The following KIF5C variants were observed in gnomAD, a reference collection of about 807,000 sequenced individuals.
KIF5C encodes the protein kinesin family member 5C.
KIF5C carries 18 observed loss-of-function variants against 125.2 expected under a neutral mutation model. The ratio of observed to expected loss-of-function variants is 0.14; its 90% CI spans 0.10 to 0.21. KIF5C has a LOEUF of 0.21. Among genes scored for constraint, KIF5C ranks in the 10% least tolerant of loss-of-function variants. The probability of loss-of-function intolerance (pLI) is 1.00; values close to 1 mark genes in which losing one functional copy is unlikely to be tolerated. For synonymous variants in KIF5C, 405 were observed against 434.0 expected, an observed-to-expected ratio of 0.93 and a Z score of 0.83; for missense variants, 780 against 1,183.8, an observed-to-expected ratio of 0.66 and a Z score of 5.01.
chr2:148,977,409 C>T (rs1681106336), intron 12 of KIF5C, among the ~76,000 whole-genome samples: 2 of 152,164 alleles, frequency 1.3e-5, no homozygotes, highest in African/African-American at 2.4e-5. Flanking sequence ...TGGTGGCTCT[C>T]CGATGGTAAA....
At chr2:149,018,174 AGTG>A (rs1385972665) in intron 25 of KIF5C, among the ~76,000 whole-genome samples, 1 of 150,612 alleles carries the variant, frequency 6.6e-6, no homozygotes, top group Non-Finnish European at 1.5e-5. Context: ...CTGTAGCTCC[AGTG>A]ACTTGGAAGG....
At chr2:148,914,763 G>T (rs1457671411) in intron 1 of KIF5C, among the ~76,000 whole-genome samples, 1 of 152,244 alleles carries the variant, frequency 6.6e-6, no homozygotes, top group Non-Finnish European at 1.5e-5. Flanking sequence ...TGGGGAGGGG[G>T]AGGGCAATGT....
intron 1 of KIF5C, among the ~76,000 whole-genome samples, chr2:148,889,295 T>C (rs1028136723): frequency 6.6e-6 from 1 of 152,246 alleles, no homozygotes; most frequent in Non-Finnish European, 1.5e-5. Context: ...AGAATTTTTT[T>C]CCCTGTCTTT....
At chr2:148,897,018 A>T (rs1302561430) in intron 1 of KIF5C, among the ~76,000 whole-genome samples, 3 of 152,110 alleles carry the variant, frequency 2.0e-5, no homozygotes, top group African/African-American at 7.2e-5. Context: ...TCTTTAGTAG[A>T]GATGGGGTTT....
chr2:148,962,710 A>T (rs562975898), intron 11 of KIF5C, among the ~76,000 whole-genome samples: 6 of 152,130 alleles, frequency 3.9e-5, no homozygotes, highest in African/African-American at 1.4e-4. Flanking sequence ...AATGAGATGC[A>T]CTCTATCTAA....
intron 4 of KIF5C, among the ~76,000 whole-genome samples, chr2:148,940,908 C>A (rs903740988): frequency 6.6e-6 from 1 of 152,160 alleles, no homozygotes; most frequent in African/African-American, 2.4e-5. Context: ...CAACTGAGAA[C>A]CAGATTCCTA....
rs1382630193 is a variant in KIF5C at position 148,981,403 on chromosome 2, A to G, written c.1411A>G (p.Thr471Ala). Residue 471 changes from threonine (T) to alanine (A), a missense_variant, in exon 14 of 26, where the codon ACA (threonine) becomes GCA (alanine). This residue lies in a region of KIF5C where 573 missense variants were observed against 742.6 expected (regional missense o/e 0.77). Coordinates refer to ENST00000435030, the MANE Select transcript of KIF5C (RefSeq NM_004522.3). Reference protein sequence around the residue: ...RDYEKIQEELTRLQIENEAAK... With the variant: ...RDYEKIQEELARLQIENEAAK... Reference sequence around the variant, plus strand: ...CTATGAGAAGATACAGGAGGAGCTGACACGTCTCCAGATTGAAAATGAGGC... The same window carrying G: ...CTATGAGAAGATACAGGAGGAGCTGGCACGTCTCCAGATTGAAAATGAGGC... 1 of 1,611,364 alleles carries G rather than the reference A, an allele frequency of 6.2e-7. No individual in the cohort carries two copies. Among genetic ancestry groups the G allele is most frequent in the Non-Finnish European group, 8.5e-7 (1 of 1,178,916 alleles).
At position 148,883,831 on chromosome 2, in the gene KIF5C, A is replaced by G. The variant is rs906406126; in HGVS notation, c.126+8088A>G. On this transcript the variant is annotated intron_variant, in intron 1 of 25. Transcript: ENST00000435030. ...TTATAAACAAAGGCATGATATAAAC[A>G]GTAGTCCACATACCTCCTTGTGGAC... 33 of 152,134 alleles carry G rather than the reference A, an allele frequency of 2.2e-4. 1 individual carries two copies. The highest frequency in any genetic ancestry group is 1.4e-3 in the Admixed American group (21 of 15,270). 9.4% of individuals were successfully genotyped at this position (152,134 alleles called of 1,614,324 possible).
At chr2:148,946,733 A>T (rs1231593902) in intron 7 of KIF5C, among the ~76,000 whole-genome samples, 166 bp from the exon 8 acceptor site, 1 of 152,200 alleles carries the variant, frequency 6.6e-6, no homozygotes. Context: ...TAGAATGAGC[A>T]TTGTTTTTCA....
intron 11 of KIF5C, among the ~76,000 whole-genome samples, chr2:148,970,520 G>A (rs1052900766): frequency 3.3e-5 from 5 of 152,216 alleles, no homozygotes; most frequent in African/African-American, 1.2e-4. Flanking sequence ...AATGAGACCT[G>A]TTAAAAGGTA....
intron 11 of KIF5C, among the ~76,000 whole-genome samples, chr2:148,971,401 T>G (rs1395254456): frequency 6.6e-6 from 1 of 152,124 alleles, no homozygotes; most frequent in Non-Finnish European, 1.5e-5. Flanking sequence ...AGCCCATGGA[T>G]TTAGCAGACT....
rs1476558205 is a variant in KIF5C at position 148,876,024 on chromosome 2, C to T, written c.126+281C>T. On this transcript the variant is annotated intron_variant, in intron 1 of 25. Coordinates refer to ENST00000435030, the MANE Select transcript of KIF5C (RefSeq NM_004522.3). The surrounding 1 kb of genome is among the most constrained non-coding windows in gnomAD (Gnocchi z 4.7). ...CGCCATTGTTCGCCGGGTGGGGGCC[C>T]GGGTGGGCCCATTGTTCCCCACGCT... Among the ~76,000 whole-genome samples, 2 of 152,026 alleles carry T rather than the reference C, an allele frequency of 1.3e-5. No individual in the cohort carries two copies. The highest frequency in any genetic ancestry group is 4.8e-5 in the African/African-American group (2 of 41,414).
rs745911710 is a variant in KIF5C at position 148,979,006 on chromosome 2, TA to T, written c.1362+17del. The stretch of plus-strand genomic sequence containing the variant: ...TCAGGATGAGGTAAAGAATGCAATA[TA>T]TTTTTTTTTCCACAAAGTTCTTCTA... On this transcript the variant is annotated intron_variant, in intron 13 of 25. Transcript: ENST00000435030. 5.2e-6 allele frequency: 8 copies of T among 1,545,488 alleles called. No homozygotes were observed. The highest frequency in any genetic ancestry group is 3.5e-6 in the Non-Finnish European group (4 of 1,145,246).
intron 25 of KIF5C, among the ~76,000 whole-genome samples, chr2:149,017,842 G>C (rs1422453928): frequency 6.6e-6 from 1 of 152,128 alleles, no homozygotes; most frequent in African/African-American, 2.4e-5. Context: ...AACAAATTTA[G>C]AAATTAAATC....
At chr2:148,906,939 A>G (rs890857891) in intron 1 of KIF5C, among the ~76,000 whole-genome samples, 1 of 152,170 alleles carries the variant, frequency 6.6e-6, no homozygotes, top group African/African-American at 2.4e-5. Context: ...TGTGTTTTGT[A>G]GTCCTAGCTA....
At chr2:148,942,109 T>C in intron 6 of KIF5C, 119 bp downstream of exon 6, 1 of 1,118,648 alleles carries the variant, frequency 8.9e-7, no homozygotes, top group Non-Finnish European at 1.2e-6. Flanking sequence ...TTATTCAGGC[T>C]CCTTATATTT....
chr2:149,018,981 C>T (rs1682452384), intron 25 of KIF5C, among the ~76,000 whole-genome samples: 1 of 152,046 alleles, frequency 6.6e-6, no homozygotes, highest in African/African-American at 2.4e-5. Context: ...TACATGTTAC[C>T]ACAAATGTGA....
chr2:148,957,166 C>A (rs1459018959), intron 10 of KIF5C, among the ~76,000 whole-genome samples: 2 of 152,186 alleles, frequency 1.3e-5, no homozygotes, highest in Non-Finnish European at 2.9e-5. Flanking sequence ...CTTTTGGAAA[C>A]AAGGCTGAAC....
intron 11 of KIF5C, among the ~76,000 whole-genome samples, chr2:148,964,881 G>A (rs1361191070): frequency 6.6e-6 from 1 of 152,148 alleles, no homozygotes; most frequent in Non-Finnish European, 1.5e-5. Flanking sequence ...GTATTGGAGA[G>A]TGGACTGCAG....
Sources: gnomAD v4.1 joint callset for allele counts (sites outside exome capture counted in the v4.1 genomes callset) on GRCh38, gnomAD v4.1.1 for gene constraint, gnomAD v4.1.1 regional missense constraint, Gnocchi (gnomAD v3.1) non-coding constraint, MANE v1.5 for transcripts, NCBI Gene and HGNC (gene_info 2026-07-23, HGNC 2026-07-21) for gene names.